Variants in PHF20L1 observed in about 807,000 individuals in gnomAD.
The protein encoded by PHF20L1 is PHD finger protein 20 like 1.
A neutral mutation model predicts 125.5 loss-of-function variants in PHF20L1; 44 were observed. The observed-to-expected ratio is 0.35, with a 90% CI of 0.28 to 0.45. The LOEUF (loss-of-function observed/expected upper bound fraction) is 0.45, where lower values mean the gene tolerates loss of function less well. Ranked by LOEUF, PHF20L1 falls within the 20% of genes least tolerant of loss-of-function variation. The probability of loss-of-function intolerance (pLI) is 1.00; values close to 1 mark genes in which losing one functional copy is unlikely to be tolerated. For synonymous variants in PHF20L1, 380 were observed against 403.1 expected, an observed-to-expected ratio of 0.94 and a Z score of 0.69; for missense variants, 1,012 against 1,217.2, an observed-to-expected ratio of 0.83 and a Z score of 2.51.
At chr8:132,792,562 G>A (rs1419815123) in intron 2 of PHF20L1, among the ~76,000 whole-genome samples, 1 of 152,164 alleles carries the variant, frequency 6.6e-6, no homozygotes, top group East Asian at 1.9e-4. Flanking sequence ...CTGAAGAAAT[G>A]AGCAAATTGC....
chr8:132,842,221 T>C (rs1838004828), intron 18 of PHF20L1: 1 of 230,896 alleles, frequency 4.3e-6, no homozygotes, highest in African/African-American at 2.3e-5. Flanking sequence ...TTTCAAATTT[T>C]ACAATGAAAA....
intron 13 of PHF20L1, chr8:132,824,746 C>T: frequency 6.1e-6 from 1 of 164,462 alleles, no homozygotes; most frequent in East Asian, 1.6e-4. Flanking sequence ...ATTTTTTTTT[C>T]CTCGTGTTCT....
At chr8:132,811,197 C>T (rs1328311061) in intron 9 of PHF20L1, 69 bp downstream of exon 9, 16 of 1,584,406 alleles carry the variant, frequency 1.0e-5, no homozygotes, top group South Asian at 7.9e-5. Context: ...CTAGTATCTA[C>T]GTAATTGAAA....
chr8:132,843,436 TA>T (rs1359273249), intron 19 of PHF20L1: 3 of 979,760 alleles, frequency 3.1e-6, no homozygotes, highest in South Asian at 4.7e-5. Context: ...GAGGCCACTT[TA>T]AAATTAGATG....
At position 132,842,787 on chromosome 8, in the gene PHF20L1, T is replaced by C. The variant is rs755995142; in HGVS notation, c.2660T>C (p.Val887Ala). The change falls in exon 19 of 21, where the codon GTT becomes GCT. Residue 887 changes from valine to alanine, a missense_variant. By Grantham distance (64) the Val-to-Ala change is moderately conservative (BLOSUM62 0). Transcript: ENST00000395386. ...CCTGGGAGCTCAGATGATGATGATG[T>C]TAGTAGTTTGGAAGAAGAACAAGAA... ...ADPGSSDDDD[V>A]SSLEEEQEFH... 2 of 1,613,052 alleles carry C rather than the reference T, an allele frequency of 1.2e-6. No individual in the cohort carries two copies. Among genetic ancestry groups the C allele is most frequent in the Non-Finnish European group, 1.7e-6 (2 of 1,179,330 alleles).
chr8:132,824,124 T>A, intron 13 of PHF20L1, 64 bp downstream of exon 13: 2 of 1,009,794 alleles, frequency 2.0e-6, no homozygotes, highest in South Asian at 1.4e-5. Flanking sequence ...GAGGACATAG[T>A]CTGCCCCTTA....
chr8:132,781,912 T>C (rs1830475704), intron 2 of PHF20L1, among the ~76,000 whole-genome samples: 1 of 152,188 alleles, frequency 6.6e-6, no homozygotes. Flanking sequence ...CAAACATAAC[T>C]CCTGAGTAGT....
Position 132,793,699 on chromosome 8 carries a change from CAT to C in PHF20L1, c.84-710_84-709del, listed in dbSNP as rs540763024. 4.1e-3 allele frequency among the ~76,000 whole-genome samples: 620 copies of C among 152,246 alleles called. 1 individual carries two copies. Among genetic ancestry groups the C allele is most frequent in the Non-Finnish European group, 6.9e-3 (469 of 68,012 alleles). ...CTATTTTGGAATTACAGAATTACCACATGTGAAGACAGAACAATGAAATATTT... is the reference window on the plus strand; with the variant it reads ...CTATTTTGGAATTACAGAATTACCACGTGAAGACAGAACAATGAAATATTT... On this transcript the variant is annotated intron_variant, in intron 2 of 20. Coordinates refer to ENST00000395386, the MANE Select transcript of PHF20L1 (RefSeq NM_016018.5).
intron 2 of PHF20L1, among the ~76,000 whole-genome samples, chr8:132,790,624 TG>T (rs1482193134): frequency 2.0e-5 from 3 of 152,258 alleles, no homozygotes; most frequent in African/African-American, 7.2e-5. Flanking sequence ...TTCCTTTAAG[TG>T]CTCCTCCAAT....
intron 2 of PHF20L1, among the ~76,000 whole-genome samples, chr8:132,790,306 G>A (rs1831535064): frequency 6.6e-6 from 1 of 152,168 alleles, no homozygotes; most frequent in Admixed American, 6.5e-5. Flanking sequence ...ATTACTATGA[G>A]CCATCTGCTA....
chr8:132,804,733 G>A lies in PHF20L1; in HGVS notation c.840G>A (p.Lys280=). The A allele has an allele frequency of 6.3e-7, 1 of 1,599,768 alleles. No homozygotes were observed. Among genetic ancestry groups the A allele is most frequent in the Non-Finnish European group, 8.5e-7 (1 of 1,174,232 alleles). Residue 280 remains lysine, a synonymous_variant, in exon 8 of 21, where the codon AAG becomes AAA. Coordinates refer to ENST00000395386, the MANE Select transcript of PHF20L1 (RefSeq NM_016018.5). ...AGGCAAAGAGAGCTCGACTTAACAAGATTACTGGTAAACTACAATGATTTT... is the reference window on the plus strand; with the variant it reads ...AGGCAAAGAGAGCTCGACTTAACAAAATTACTGGTAAACTACAATGATTTT... ...SFQAKRARLN[K]ITGLLASKAV...
At chr8:132,792,236 A>G (rs1338669968) in intron 2 of PHF20L1, among the ~76,000 whole-genome samples, 4 of 152,222 alleles carry the variant, frequency 2.6e-5, no homozygotes, top group African/African-American at 7.2e-5. Context: ...ATATCTTTTT[A>G]TAGTACTTCA....
At chr8:132,819,958 T>G (rs1835398167) in intron 12 of PHF20L1, among the ~76,000 whole-genome samples, 3 of 151,888 alleles carry the variant, frequency 2.0e-5, no homozygotes, top group Admixed American at 2.0e-4. Flanking sequence ...TTCACACTGT[T>G]GAGTTTAGCA....
At chr8:132,799,329 T>G in intron 6 of PHF20L1, 157 bp downstream of exon 6, 3 of 520,024 alleles carry the variant, frequency 5.8e-6, no homozygotes, top group African/African-American at 1.9e-5. Flanking sequence ...AAAAGGCGCT[T>G]ACCTGACACT....
rs1838046259 is a variant in PHF20L1, at chr8:132,842,615, A to T, written c.2488A>T (p.Thr830Ser). The change falls in exon 19 of 21, where the codon ACA becomes TCA. Residue 830 changes from threonine to serine, a missense_variant. Thr to Ser is a moderately conservative substitution (Grantham distance 58, BLOSUM62 1). Transcript: ENST00000395386. ...GGTGGAGAAAAAAATAGCTCAAGAC[A>T]CAGTTAATCGAGAAGAAAAGAAATA... ...AGVEKKIAQD[T>S]VNREEKKYVQ... is the part of the protein sequence containing the mutation. 1 of 1,613,274 alleles carries T rather than the reference A, an allele frequency of 6.2e-7. No individual in the cohort carries two copies. The highest frequency in any genetic ancestry group is 8.5e-7 in the Non-Finnish European group (1 of 1,179,584).
intron 6 of PHF20L1, chr8:132,800,035 G>T (rs1832862080): frequency 6.7e-6 from 1 of 149,520 alleles, no homozygotes. Flanking sequence ...TTAAGCAAAA[G>T]TCTCAATTTT....
chr8:132,814,849 G>T lies in PHF20L1; in HGVS notation c.1143G>T (p.Thr381=), dbSNP rs1449642165. The T allele has an allele frequency of 6.2e-7, 1 of 1,608,810 alleles. No individual in the cohort carries two copies. The highest frequency in any genetic ancestry group is 1.1e-5 in the South Asian group (1 of 90,794). ...SPELIQVEDL[T]LVSQLSSSVI... ...AATTAATACAAGTCGAGGATTTGAC[G>T]CTTGTATCTCAGCTTTCTTCTTCAG... Residue 381 remains threonine, a synonymous_variant, in exon 10 of 21, where the codon ACG becomes ACT. Coordinates refer to ENST00000395386, the MANE Select transcript of PHF20L1 (RefSeq NM_016018.5).
chr8:132,846,921 T>C lies in PHF20L1; in HGVS notation c.*998T>C, dbSNP rs1300819501. 6.6e-6 allele frequency: 1 copy of C among 152,546 alleles called. No individual in the cohort carries two copies. The highest frequency in any genetic ancestry group is 1.5e-5 in the Non-Finnish European group (1 of 67,996). The allele number at this position is 152,546 out of a possible 1,614,324, so 9.4% of individuals were successfully genotyped here. On this transcript the variant is annotated 3_prime_UTR_variant, in exon 21 of 21. Transcript: ENST00000395386. ...TGTGGCTGTGGATTTTTTTAACTGCTAGTAGTGGAATACTGGAAAAGCTTC... is the reference window on the plus strand; with the variant it reads ...TGTGGCTGTGGATTTTTTTAACTGCCAGTAGTGGAATACTGGAAAAGCTTC...
intron 4 of PHF20L1, among the ~76,000 whole-genome samples, chr8:132,798,260 T>C (rs1276575170): frequency 6.6e-6 from 1 of 151,990 alleles, no homozygotes; most frequent in African/African-American, 2.4e-5. Context: ...ATTTGTAAAA[T>C]ATTTTCTACC....
Sources: gnomAD v4.1 joint callset for allele counts (sites outside exome capture counted in the v4.1 genomes callset) on GRCh38, gnomAD v4.1.1 for gene constraint, MANE v1.5 for transcripts, NCBI Gene and HGNC (gene_info 2026-07-23, HGNC 2026-07-21) for gene names.